GAS2: variants seen among roughly 807,000 people sequenced by gnomAD.
GAS2 encodes growth arrest specific 2, also known as growth arrest-specific protein 2.
GAS2 carries 20 observed loss-of-function variants against 37.5 expected under a neutral mutation model. The observed-to-expected ratio is 0.53, with a 90% CI of 0.37 to 0.77. The LOEUF (loss-of-function observed/expected upper bound fraction) is 0.77, where lower values mean the gene tolerates loss of function less well. Among genes scored for constraint, GAS2 ranks in the 30% least tolerant of loss-of-function variants. GAS2 has a pLI of 0.00. For synonymous variants in GAS2, 144 were observed against 132.2 expected (o/e 1.09, Z -0.61); for missense variants, 336 against 373.4 (o/e 0.90, Z 0.82).
chr11:22,674,956 T>C lies in GAS2; in HGVS notation c.87T>C (p.His29=). The change falls in exon 2 of 8, where the codon CAT becomes CAC. Residue 29 remains histidine (H), a synonymous_variant. Transcript: ENST00000454584. ...HQYSQWLASR[H]EANLLPMKED... is the part of the protein sequence containing the mutation. ...ATAGCCAATGGCTAGCCAGCAGACA[T>C]GAAGCTAATTTGCTACCAATGAAAG... 1.2e-6 allele frequency: 2 copies of C among 1,613,962 alleles called. No individual in the cohort carries two copies. Among genetic ancestry groups the C allele is most frequent in the Non-Finnish European group, 8.5e-7 (1 of 1,179,906 alleles).
At chr11:22,791,194 A>G (rs1365688500) in intron 7 of GAS2, among the ~76,000 whole-genome samples, 1 of 152,212 alleles carries the variant, frequency 6.6e-6, no homozygotes, top group Non-Finnish European at 1.5e-5. Flanking sequence ...GAGTGACTGG[A>G]TAATGGAATT....
chr11:22,703,845 T>A (rs1294045047), intron 3 of GAS2, among the ~76,000 whole-genome samples: 2 of 152,176 alleles, frequency 1.3e-5, no homozygotes, highest in Non-Finnish European at 1.5e-5. Flanking sequence ...TGAAGCCTTC[T>A]AGTATGTGTT....
chr11:22,802,455 T>TAAA (rs34312956), intron 7 of GAS2, among the ~76,000 whole-genome samples: 1 of 143,646 alleles, frequency 7.0e-6, no homozygotes, highest in Non-Finnish European at 1.5e-5. Flanking sequence ...CTTAAAGTAT[T>TAAA]AAAAAAAAAA....
chr11:22,700,593 C>T (rs1439868203), intron 3 of GAS2, among the ~76,000 whole-genome samples: 1 of 152,082 alleles, frequency 6.6e-6, no homozygotes, highest in Non-Finnish European at 1.5e-5. Context: ...GGAGGATAAT[C>T]ATTTAGTTAA....
intron 3 of GAS2, among the ~76,000 whole-genome samples, chr11:22,713,195 C>T (rs1478775644): frequency 1.3e-5 from 2 of 151,602 alleles, no homozygotes; most frequent in African/African-American, 4.8e-5. Context: ...ATGAGTGTCA[C>T]ACTTAGAGAA....
At chr11:22,785,148 A>G (rs962071915) in intron 7 of GAS2, among the ~76,000 whole-genome samples, 1 of 152,186 alleles carries the variant, frequency 6.6e-6, no homozygotes, top group Non-Finnish European at 1.5e-5. Flanking sequence ...AGCCCGATGT[A>G]CTCTCCCACA....
chr11:22,633,098 T>G (rs1399439653), intron 1 of GAS2, among the ~76,000 whole-genome samples: 6 of 152,162 alleles, frequency 3.9e-5, no homozygotes, highest in Non-Finnish European at 7.3e-5. Flanking sequence ...CGCTGGAGAG[T>G]CAGTGGAATC....
intron 3 of GAS2, chr11:22,688,522 A>G (rs866218824): frequency 1.3e-5 from 2 of 152,162 alleles, no homozygotes; most frequent in African/African-American, 2.4e-5. Context: ...AATCTCCATG[A>G]TAATATGGAA....
intron 7 of GAS2, 134 bp from the exon 8 acceptor site, chr11:22,811,664 C>T (rs753881836): frequency 8.8e-6 from 7 of 797,040 alleles, no homozygotes; most frequent in East Asian, 2.6e-5. Context: ...CTAACTCAGA[C>T]ATTTTGCACC....
intron 2 of GAS2, among the ~76,000 whole-genome samples, chr11:22,675,716 T>C (rs1347748704): frequency 6.6e-6 from 1 of 152,166 alleles, no homozygotes; most frequent in Non-Finnish European, 1.5e-5. Context: ...AAGTTTTTTA[T>C]AGAGAATAAA....
intron 1 of GAS2, among the ~76,000 whole-genome samples, chr11:22,636,016 C>T (rs1042715460): frequency 6.6e-6 from 1 of 152,166 alleles, no homozygotes; most frequent in African/African-American, 2.4e-5. Flanking sequence ...GGCAATCTCT[C>T]CCCACTCACA....
intron 7 of GAS2, among the ~76,000 whole-genome samples, chr11:22,807,761 G>T (rs1314583814): frequency 2.6e-5 from 4 of 152,186 alleles, no homozygotes; most frequent in African/African-American, 9.7e-5. Context: ...TTATATAGCA[G>T]AGAAGAAATA....
chr11:22,765,246 A>G (rs1854624764), intron 7 of GAS2, among the ~76,000 whole-genome samples: 1 of 152,192 alleles, frequency 6.6e-6, no homozygotes, highest in East Asian at 1.9e-4. Context: ...ACCTCCATAC[A>G]CGTACAAAAA....
intron 3 of GAS2, 64 bp downstream of exon 3, chr11:22,685,853 T>G: frequency 6.6e-7 from 1 of 1,503,960 alleles, no homozygotes; most frequent in Non-Finnish European, 9.0e-7. Context: ...TGCTTATAAA[T>G]TGTGTGTAAT....
At chr11:22,713,799 GC>G (rs1851528174) in intron 3 of GAS2, among the ~76,000 whole-genome samples, 1 of 152,080 alleles carries the variant, frequency 6.6e-6, no homozygotes, top group South Asian at 2.1e-4. Context: ...ACAAATAAAT[GC>G]TAAGAGAATT....
At chr11:22,711,621 CA>C (rs1333379886) in intron 3 of GAS2, among the ~76,000 whole-genome samples, 4 of 152,314 alleles carry the variant, frequency 2.6e-5, no homozygotes, top group Middle Eastern at 3.4e-3. Context: ...AGATTTCAGC[CA>C]TGCTCACAAG....
intron 7 of GAS2, among the ~76,000 whole-genome samples, chr11:22,801,195 G>C (rs146416421): frequency 6.6e-6 from 1 of 151,752 alleles, no homozygotes; most frequent in African/African-American, 2.4e-5. Context: ...TAAGAGACAG[G>C]GGAAAAAAAA....
chr11:22,672,795 G>A (rs752501475), intron 1 of GAS2: 9 of 141,270 alleles, frequency 6.4e-5, no homozygotes, highest in Admixed American at 3.8e-4. Context: ...GAGAAGTTTT[G>A]TTTTTCTAGG....
chr11:22,716,523 G>C (rs4262726), intron 3 of GAS2, among the ~76,000 whole-genome samples: 133,697 of 151,666 alleles, frequency 0.88, 61,150 homozygotes, highest in East Asian at 1. Flanking sequence ...ACCTATAATC[G>C]CACCTACAAG....
Sources: gnomAD v4.1 joint callset for allele counts (sites outside exome capture counted in the v4.1 genomes callset) on GRCh38, gnomAD v4.1.1 for gene constraint, MANE v1.5 for transcripts, NCBI Gene and HGNC (gene_info 2026-07-23, HGNC 2026-07-21) for gene names.